STK39: variants seen among roughly 807,000 people sequenced by gnomAD.
The protein encoded by STK39 is serine/threonine kinase 39, also known as STE20/SPS1-related proline-alanine-rich protein kinase.
A neutral mutation model predicts 77.8 loss-of-function variants in STK39; 20 were observed. The observed-to-expected ratio is 0.26, with a 90% CI of 0.18 to 0.37. The LOEUF is 0.37. Among genes scored for constraint, STK39 ranks in the 10% least tolerant of loss-of-function variants. The pLI, the probability that STK39 is intolerant of heterozygous loss-of-function variation, is 1.00. For missense variants in STK39, 479 were observed against 656.5 expected (o/e 0.73, Z 2.95); for synonymous variants, 246 against 234.1 (o/e 1.05, Z -0.47).
chr2:167,986,740 A>C (rs1173907137), intron 16 of STK39, among the ~76,000 whole-genome samples: 1 of 152,190 alleles, frequency 6.6e-6, no homozygotes, highest in Non-Finnish European at 1.5e-5. Context: ...TGAGGTCATT[A>C]TGAGGTGTAG....
At chr2:168,083,919 G>A (rs1415020795) in intron 10 of STK39, among the ~76,000 whole-genome samples, 1 of 152,114 alleles carries the variant, frequency 6.6e-6, no homozygotes, top group African/African-American at 2.4e-5. Context: ...TTGACTGACG[G>A]CTGCCACAGG....
At chr2:168,110,590 C>T (rs896162415) in intron 10 of STK39, among the ~76,000 whole-genome samples, 6 of 152,104 alleles carry the variant, frequency 3.9e-5, no homozygotes, top group Admixed American at 1.3e-4. Flanking sequence ...TATTACTTAA[C>T]AGAATAGTTC....
At chr2:168,046,054 T>A (rs1176497299) in intron 14 of STK39, among the ~76,000 whole-genome samples, 1 of 152,150 alleles carries the variant, frequency 6.6e-6, no homozygotes, top group Non-Finnish European at 1.5e-5. Flanking sequence ...CTACCCCTAC[T>A]GCCTGAGCAA....
chr2:168,095,036 G>A (rs1686625205), intron 10 of STK39, among the ~76,000 whole-genome samples: 1 of 152,000 alleles, frequency 6.6e-6, no homozygotes, highest in Admixed American at 6.5e-5. Flanking sequence ...CTTGTCCCCT[G>A]TCCTATGCCT....
chr2:168,091,150 GCACACACACA>G (rs71927823), intron 10 of STK39, among the ~76,000 whole-genome samples: 7 of 147,542 alleles, frequency 4.7e-5, no homozygotes, highest in Non-Finnish European at 4.5e-5. Context: ...ACAAACAGGT[GCACACACACA>G]CACACACACA....
intron 16 of STK39, among the ~76,000 whole-genome samples, chr2:167,997,056 T>G (rs1163643771): frequency 6.7e-6 from 1 of 149,226 alleles, no homozygotes; most frequent in Non-Finnish European, 1.5e-5. Context: ...ATGATTTATC[T>G]AGTTGCCTAC....
chr2:168,042,791 G>A (rs1685141916), intron 14 of STK39, among the ~76,000 whole-genome samples: 1 of 151,918 alleles, frequency 6.6e-6, no homozygotes, highest in Admixed American at 6.6e-5. Context: ...TCTTGGCCAG[G>A]CTGGTCTTGA....
chr2:167,989,183 C>G (rs1375185719), intron 16 of STK39, among the ~76,000 whole-genome samples: 2 of 152,118 alleles, frequency 1.3e-5, no homozygotes, highest in Admixed American at 1.3e-4. Flanking sequence ...CTGTACGCAC[C>G]TGGGGCATCC....
At chr2:168,001,258 T>C (rs1312884897) in intron 16 of STK39, among the ~76,000 whole-genome samples, 19 of 143,074 alleles carry the variant, frequency 1.3e-4, no homozygotes, top group Non-Finnish European at 2.7e-4. Context: ...TGTATCAATT[T>C]GGAAACACAT....
chr2:168,231,398 G>A (rs1206199580), intron 1 of STK39, among the ~76,000 whole-genome samples: 1 of 151,894 alleles, frequency 6.6e-6, no homozygotes, highest in Non-Finnish European at 1.5e-5. Context: ...CAATTTCTCA[G>A]GAGGAAAATA....
chr2:168,132,979 T>C (rs1057392850), intron 8 of STK39, among the ~76,000 whole-genome samples: 1 of 152,226 alleles, frequency 6.6e-6, no homozygotes, highest in Non-Finnish European at 1.5e-5. Flanking sequence ...TCTATGCATC[T>C]GTTCAATACA....
At chr2:168,033,604 A>G (rs1000258019) in intron 14 of STK39, among the ~76,000 whole-genome samples, 3 of 152,214 alleles carry the variant, frequency 2.0e-5, no homozygotes, top group African/African-American at 7.2e-5. Context: ...TGAAGTGTAC[A>G]ATACACTTAT....
rs147723546 is a variant in STK39, at chr2:167,957,883, G to C, written c.1564-2313C>G. The stretch of plus-strand genomic sequence containing the variant: ...GGTTACGGTGAGAACATCACAGAAG[G>C]AGTCTTCACAAAGTTCCTACCCACC... On this transcript the variant is annotated intron_variant, in intron 17 of 17. Transcript: ENST00000355999. Among the ~76,000 whole-genome samples, 83 of 152,304 alleles carry C rather than the reference G, an allele frequency of 5.4e-4. No individual in the cohort carries two copies. In the East Asian group the frequency reaches 0.013, roughly 23 times the overall value.
At chr2:167,961,653 T>C (rs974364252) in intron 17 of STK39, among the ~76,000 whole-genome samples, 9 of 152,312 alleles carry the variant, frequency 5.9e-5, no homozygotes, top group African/African-American at 2.2e-4. Context: ...TGAACCACTT[T>C]GTTAAAAGTG....
intron 1 of STK39, among the ~76,000 whole-genome samples, chr2:168,220,198 G>C (rs1470239505): frequency 1.3e-5 from 2 of 152,122 alleles, no homozygotes; most frequent in Non-Finnish European, 2.9e-5. Flanking sequence ...GGGATCACAA[G>C]CATGTGCCAA....
At chr2:168,118,827 T>C (rs558370101) in intron 10 of STK39, among the ~76,000 whole-genome samples, 6 of 152,216 alleles carry the variant, frequency 3.9e-5, no homozygotes, top group African/African-American at 1.4e-4. Context: ...TCTTAGTCAA[T>C]GAACTGTTCT....
intron 14 of STK39, among the ~76,000 whole-genome samples, chr2:168,040,609 T>C (rs991855808): frequency 4.6e-5 from 7 of 152,208 alleles, no homozygotes; most frequent in African/African-American, 1.7e-4. Context: ...AAATTTTTTA[T>C]CCAGATTTCT....
chr2:168,049,950 C>T (rs1171055479), intron 14 of STK39, among the ~76,000 whole-genome samples: 1 of 152,172 alleles, frequency 6.6e-6, no homozygotes, highest in Non-Finnish European at 1.5e-5. Context: ...CTACAGATTC[C>T]AGATCTCTAC....
chr2:168,245,425 C>CT (rs1690872796), intron 1 of STK39, among the ~76,000 whole-genome samples: 1 of 152,202 alleles, frequency 6.6e-6, no homozygotes, highest in Non-Finnish European at 1.5e-5. Flanking sequence ...AGCAGGCCTT[C>CT]AGATCTTGTT....
Sources: gnomAD v4.1 joint callset for allele counts (sites outside exome capture counted in the v4.1 genomes callset) on GRCh38, gnomAD v4.1.1 for gene constraint, MANE v1.5 for transcripts, NCBI Gene and HGNC (gene_info 2026-07-23, HGNC 2026-07-21) for gene names.